LRPPRC: variants seen among roughly 807,000 people sequenced by gnomAD.
LRPPRC encodes leucine-rich PPR motif-containing protein, mitochondrial.
LRPPRC carries 120 observed loss-of-function variants against 180.3 expected under a neutral mutation model. The ratio of observed to expected loss-of-function variants is 0.67; its 90% CI spans 0.57 to 0.77. The LOEUF (loss-of-function observed/expected upper bound fraction) is 0.77, where lower values mean the gene tolerates loss of function less well. Ranked by LOEUF, LRPPRC falls within the 30% of genes least tolerant of loss-of-function variation. The pLI is 0.00. For missense variants in LRPPRC, 2,012 were observed against 1,657.2 expected (o/e 1.21, Z -3.72); for synonymous variants, 723 against 600.0 (o/e 1.21, Z -3.00).
At chr2:43,896,600 T>TATC (rs549191692) in intron 35 of LRPPRC, 34 bp downstream of exon 35, 102 of 1,272,494 alleles carry the variant, frequency 8.0e-5, no homozygotes, top group Admixed American at 1.5e-4. Context: ...GCACGTACAG[T>TATC]ATCATTGATT....
At chr2:43,962,984 A>G (rs1334713644) in intron 12 of LRPPRC, among the ~76,000 whole-genome samples, 1 of 152,166 alleles carries the variant, frequency 6.6e-6, no homozygotes, top group Non-Finnish European at 1.5e-5. Context: ...TGAAAATTGC[A>G]GGGGCATTTC....
At chr2:43,974,556 TAAG>T in intron 8 of LRPPRC, 55 bp downstream of exon 8, 4 of 1,202,576 alleles carry the variant, frequency 3.3e-6, no homozygotes, top group Non-Finnish European at 4.8e-6. Flanking sequence ...TTCCATCATG[TAAG>T]AATAGCAATT....
At chr2:43,976,943 T>G in intron 5 of LRPPRC, 51 bp downstream of exon 5, 1 of 1,456,826 alleles carries the variant, frequency 6.9e-7, no homozygotes, top group African/African-American at 1.4e-5. Flanking sequence ...GACATTAGAT[T>G]TACAAAATGT....
chr2:43,973,549 G>A, intron 11 of LRPPRC, 58 bp downstream of exon 11: 1 of 1,058,450 alleles, frequency 9.4e-7, no homozygotes, highest in Non-Finnish European at 1.5e-6. Context: ...AGATGTGCGT[G>A]CAAACTGTCA....
intron 27 of LRPPRC, among the ~76,000 whole-genome samples, chr2:43,919,312 T>G (rs1558939668): frequency 6.6e-6 from 1 of 152,156 alleles, no homozygotes; most frequent in African/African-American, 2.4e-5. Flanking sequence ...CCAAAAAGGT[T>G]GGGGGCTGCT....
chr2:43,939,013 C>CT (rs1672375413), intron 23 of LRPPRC, among the ~76,000 whole-genome samples: 1 of 151,950 alleles, frequency 6.6e-6, no homozygotes. Context: ...TGGCTCACGC[C>CT]TGTAATCCCA....
chr2:43,894,920 C>A lies in LRPPRC; in HGVS notation c.3901-291G>T, dbSNP rs577450144. On this transcript the variant is annotated intron_variant, in intron 35 of 37. Coordinates refer to ENST00000260665, the MANE Select transcript of LRPPRC (RefSeq NM_133259.4). Reference sequence around the variant, plus strand: ...CTTCTTTTGTCAAGTGGTGACCATACCAAGAAGTTATGAGATCCCAAGGGT... The same window carrying A: ...CTTCTTTTGTCAAGTGGTGACCATAACAAGAAGTTATGAGATCCCAAGGGT... Among the ~76,000 whole-genome samples the A allele has an allele frequency of 2.0e-5, 3 of 152,216 alleles. No homozygotes were observed. In the South Asian group the frequency reaches 6.2e-4, roughly 32 times the overall value.
rs746763104 is a variant in LRPPRC at position 43,979,870 on chromosome 2, C to A, written c.425G>T (p.Arg142Ile). Residue 142 changes from arginine (R) to isoleucine (I), a missense_variant, in exon 3 of 38, where the codon AGA becomes ATA. Arg to Ile is a moderately conservative substitution (Grantham distance 97, BLOSUM62 -3). Transcript: ENST00000260665. ...CCATATCCTATGAGCAAATTCTGTT[C>A]TCTCTTCAAGCTTTAGTTCAGGCAA... ...SLLPELKLEERTEFAHRIWDT... is the reference protein window; with the variant it reads ...SLLPELKLEEITEFAHRIWDT... 1.2e-6 allele frequency: 2 copies of A among 1,613,534 alleles called. No homozygotes were observed. The highest frequency in any genetic ancestry group is 1.7e-6 in the Non-Finnish European group (2 of 1,179,530).
At position 43,934,040 on chromosome 2, in the gene LRPPRC, T is replaced by A; in HGVS notation, c.2736+150A>T. 1.2e-5 allele frequency: 7 copies of A among 605,340 alleles called. No individual in the cohort carries two copies. In the South Asian group the frequency reaches 1.5e-4, roughly 13 times the overall value. The allele number at this position is 605,340 out of a possible 1,614,324, so 37.5% of individuals were successfully genotyped here. ...CTGTAATTATATACAATAAAGAAGC[T>A]GGCCGAGATCCCCCTCCCCCAACAT... On this transcript the variant is annotated intron_variant, in intron 25 of 37. Transcript: ENST00000260665.
intron 30 of LRPPRC, among the ~76,000 whole-genome samples, chr2:43,908,682 C>T (rs777017264): frequency 1.3e-5 from 2 of 152,054 alleles, no homozygotes; most frequent in African/African-American, 2.4e-5. Context: ...CGCACCACCA[C>T]GCCTGACTAA....
chr2:43,929,983 A>T (rs1327293478), intron 25 of LRPPRC, among the ~76,000 whole-genome samples: 1 of 141,300 alleles, frequency 7.1e-6, no homozygotes, highest in Non-Finnish European at 1.5e-5. Flanking sequence ...CAAACAAACA[A>T]ACCCTAGCTC....
At chr2:43,937,582 G>C (rs1364555257) in intron 23 of LRPPRC, among the ~76,000 whole-genome samples, 1 of 152,230 alleles carries the variant, frequency 6.6e-6, no homozygotes, top group East Asian at 1.9e-4. Context: ...ATAGGACTTT[G>C]GATTTCCATC....
At chr2:43,977,626 C>A (rs973415202) in intron 3 of LRPPRC, among the ~76,000 whole-genome samples, 2 of 152,162 alleles carry the variant, frequency 1.3e-5, no homozygotes, top group South Asian at 4.1e-4. Flanking sequence ...CCTCACATTA[C>A]AGACACACTG....
At chr2:43,986,944 G>C (rs1359278569) in intron 1 of LRPPRC, among the ~76,000 whole-genome samples, 1 of 152,140 alleles carries the variant, frequency 6.6e-6, no homozygotes, top group East Asian at 1.9e-4. Flanking sequence ...TTATTTTGTT[G>C]CACTGTAATG....
At chr2:43,940,320 T>C (rs1392047161) in intron 23 of LRPPRC, among the ~76,000 whole-genome samples, 2 of 152,176 alleles carry the variant, frequency 1.3e-5, no homozygotes, top group Admixed American at 6.5e-5. Context: ...ATGCTAAAAT[T>C]GAAGGGGAGC....
intron 21 of LRPPRC, among the ~76,000 whole-genome samples, chr2:43,945,708 G>A (rs1048710515): frequency 2.0e-5 from 3 of 151,992 alleles, no homozygotes; most frequent in Admixed American, 6.6e-5. Context: ...CCTTCATCAC[G>A]AATACTTGAC....
At chr2:43,914,465 T>A (rs1572910759) in intron 29 of LRPPRC, among the ~76,000 whole-genome samples, 1 of 152,178 alleles carries the variant, frequency 6.6e-6, no homozygotes, top group Admixed American at 6.5e-5. Context: ...CAGTGGCTCA[T>A]GCCTGTAATC....
chr2:43,947,864 CTCA>C (rs1672748892), intron 18 of LRPPRC, 89 bp from the exon 19 acceptor site: 1 of 832,854 alleles, frequency 1.2e-6, no homozygotes, highest in Admixed American at 1.7e-5. Flanking sequence ...TAAGTCTCAC[CTCA>C]TATTACTACT....
In LRPPRC at chr2:43,947,304, T is replaced by A. The variant is rs565290342; in HGVS notation, c.2032A>T (p.Ile678Leu). The A allele has an allele frequency of 3.1e-6, 5 of 1,605,634 alleles. No homozygotes were observed. Among genetic ancestry groups the A allele is most frequent in the Non-Finnish European group, 4.3e-6 (5 of 1,173,152 alleles). ...LETLKAENQPIRDVLKQLILV... is the reference protein window; with the variant it reads ...LETLKAENQPLRDVLKQLILV... The stretch of plus-strand genomic sequence containing the variant: ...ATGAGTTGCTTTAGGACATCTCTTA[T>A]AGGTTGATTTTCAGCTTTTAGTGTT... Residue 678 changes from isoleucine (I) to leucine (L), a missense_variant, in exon 20 of 38, where the codon ATA becomes TTA. Transcript: ENST00000260665.
Sources: gnomAD v4.1 joint callset for allele counts (sites outside exome capture counted in the v4.1 genomes callset) on GRCh38, gnomAD v4.1.1 for gene constraint, MANE v1.5 for transcripts, NCBI Gene and HGNC (gene_info 2026-07-23, HGNC 2026-07-21) for gene names.